PRAG1: variants seen among roughly 807,000 people sequenced by gnomAD.
PRAG1 encodes inactive tyrosine-protein kinase PRAG1.
Under a neutral mutation model 95.6 loss-of-function variants are expected in PRAG1, and 110 were observed. The observed-to-expected ratio is 1.15, with a 90% confidence interval of 0.99 to 1.35. The LOEUF (loss-of-function observed/expected upper bound fraction) is 1.35, where lower values mean the gene tolerates loss of function less well. Ranked by LOEUF, PRAG1 falls within the 40% of genes most tolerant of loss-of-function variation. The pLI is 0.00. For missense variants in PRAG1, 2,554 were observed against 1,864.7 expected (o/e 1.37, Z -6.81); for synonymous variants, 1,052 against 819.4 (o/e 1.28, Z -4.85).
At chr8:8,324,050 T>C (rs1798552954) in intron 5 of PRAG1, among the ~76,000 whole-genome samples, 1 of 152,096 alleles carries the variant, frequency 6.6e-6, no homozygotes, top group African/African-American at 2.4e-5. Context: ...TCAGATGAAA[T>C]GATGCAGGCA....
chr8:8,328,444 C>T lies in PRAG1; in HGVS notation c.2338G>A (p.Ala780Thr). 6.2e-7 allele frequency: 1 copy of T among 1,613,444 alleles called. No homozygotes were observed. The highest frequency in any genetic ancestry group is 8.5e-7 in the Non-Finnish European group (1 of 1,179,990). Residue 780 changes from alanine (A) to threonine (T), a missense_variant, in exon 5 of 6, where the codon GCT (alanine) becomes ACT (threonine). Coordinates refer to ENST00000615670, the MANE Select transcript of PRAG1 (RefSeq NM_001080826.3). Reference protein sequence around the residue: ...CSDGGPSSELAHSPTNSGKKL... With the variant: ...CSDGGPSSELTHSPTNSGKKL... Reference sequence around the variant, plus strand: ...TTCCCGCTGTTGGTGGGCGAGTGAGCCAGCTCAGACGAGGGACCTGAAGAG... The same window carrying T: ...TTCCCGCTGTTGGTGGGCGAGTGAGTCAGCTCAGACGAGGGACCTGAAGAG...
At chr8:8,384,019 G>T (rs1236084161) in intron 1 of PRAG1, among the ~76,000 whole-genome samples, 1 of 152,180 alleles carries the variant, frequency 6.6e-6, no homozygotes, top group African/African-American at 2.4e-5. Flanking sequence ...TCCACTGCAG[G>T]CAGATGCTCC....
At position 8,364,757 on chromosome 8, in the gene PRAG1, G is replaced by A. The variant is rs185994867; in HGVS notation, c.2162+11490C>T. On this transcript the variant is annotated intron_variant, in intron 3 of 5. Coordinates refer to ENST00000615670, the MANE Select transcript of PRAG1 (RefSeq NM_001080826.3). ...ACTTTTCCTACCAATGTATGGTCAC[G>A]GCTCCACCTAAAAGAAGTCTTCAAT... 1.3e-3 allele frequency among the ~76,000 whole-genome samples: 193 copies of A among 151,612 alleles called. 1 individual carries two copies. Among genetic ancestry groups the A allele is most frequent in the African/African-American group, 4.5e-3 (185 of 41,306 alleles).
At chr8:8,360,698 T>A (rs927244711) in intron 3 of PRAG1, among the ~76,000 whole-genome samples, 1 of 152,256 alleles carries the variant, frequency 6.6e-6, no homozygotes, top group Non-Finnish European at 1.5e-5. Context: ...TTGGTCTAAA[T>A]CTGCATATTT....
chr8:8,328,530 G>A, intron 4 of PRAG1, 69 bp from the exon 5 acceptor site: 1 of 1,338,906 alleles, frequency 7.5e-7, no homozygotes, highest in Middle Eastern at 2.0e-4. Flanking sequence ...CTGCAGACTT[G>A]TTTCCCTTTA....
At position 8,319,132 on chromosome 8, in the gene PRAG1, AG is replaced by A; in HGVS notation, c.3242del (p.Pro1081LeufsTer56). The A allele has an allele frequency of 4.4e-6, 7 of 1,605,574 alleles. No homozygotes were observed. Among genetic ancestry groups the A allele is most frequent in the African/African-American group, 1.3e-5 (1 of 74,892 alleles). On this transcript the variant is annotated frameshift_variant, in exon 6 of 6. Coordinates refer to ENST00000615670, the MANE Select transcript of PRAG1 (RefSeq NM_001080826.3). LOFTEE classifies it high-confidence loss of function. ...CCACCACGCAGTCCTGCTCCTGGGC[AG>A]GGGGGTGTGTGGGCAGGGCAGGCAC... ...DPVPALPTHPPAQEQDCVVVI... is the reference protein window; with the variant it reads ...DPVPALPTHPXAQEQDCVVVI...
intron 3 of PRAG1, among the ~76,000 whole-genome samples, chr8:8,343,694 G>A (rs191526963): frequency 8.5e-5 from 13 of 152,232 alleles, no homozygotes; most frequent in East Asian, 5.8e-4. Context: ...TTTTAGGCTC[G>A]TGGACCATAA....
At position 8,327,883 on chromosome 8, in the gene PRAG1, C is replaced by A; in HGVS notation, c.2899G>T (p.Val967Leu). The change falls in exon 5 of 6, where the codon GTA becomes TTA. Residue 967 changes from valine to leucine, a missense_variant. Coordinates refer to ENST00000615670, the MANE Select transcript of PRAG1 (RefSeq NM_001080826.3). ...ATGAAGAGGTCCTCACATTTGGCTACAAGGCGGGCCAGGGACTGGGTGTAG... is the reference window on the plus strand; with the variant it reads ...ATGAAGAGGTCCTCACATTTGGCTAAAAGGCGGGCCAGGGACTGGGTGTAG... Reference protein sequence around the residue: ...GLYTQSLARLVAKCEDLFMGG... With the variant: ...GLYTQSLARLLAKCEDLFMGG... 3 of 1,614,230 alleles carry A rather than the reference C, an allele frequency of 1.9e-6. No homozygotes were observed. Among genetic ancestry groups the A allele is most frequent in the South Asian group, 1.1e-5 (1 of 91,080 alleles).
chr8:8,375,800 C>G (rs907154277), intron 3 of PRAG1, among the ~76,000 whole-genome samples: 1 of 152,172 alleles, frequency 6.6e-6, no homozygotes, highest in Non-Finnish European at 1.5e-5. Flanking sequence ...GTTAGGATTA[C>G]AGGCATGAGC....
At chr8:8,343,808 T>C (rs999852408) in intron 3 of PRAG1, among the ~76,000 whole-genome samples, 1 of 152,216 alleles carries the variant, frequency 6.6e-6, no homozygotes, top group Non-Finnish European at 1.5e-5. Context: ...AACAGATGTC[T>C]TGCATGTGGG....
chr8:8,332,154 C>T (rs993466156), intron 4 of PRAG1, among the ~76,000 whole-genome samples: 3 of 136,504 alleles, frequency 2.2e-5, no homozygotes, highest in South Asian at 2.4e-4. Context: ...ATTATCTACA[C>T]ATATTACGAT....
At chr8:8,384,458 G>GGAC (rs1181062181) in intron 1 of PRAG1, among the ~76,000 whole-genome samples, 1 of 151,894 alleles carries the variant, frequency 6.6e-6, no homozygotes, top group African/African-American at 2.4e-5. Flanking sequence ...CGACTGCCAG[G>GGAC]GACGGATGGA....
At chr8:8,381,361 A>T in intron 2 of PRAG1, 57 bp downstream of exon 2, 1 of 1,520,102 alleles carries the variant, frequency 6.6e-7, no homozygotes, top group Non-Finnish European at 8.9e-7. Context: ...GCCAGTCACC[A>T]AGTGTTCAAA....
At chr8:8,384,035 C>G (rs1015295310) in intron 1 of PRAG1, among the ~76,000 whole-genome samples, 13 of 152,196 alleles carry the variant, frequency 8.5e-5, no homozygotes, top group African/African-American at 3.1e-4. Flanking sequence ...GCTCCCATGC[C>G]TGCTCCGCGG....
intron 3 of PRAG1, among the ~76,000 whole-genome samples, chr8:8,352,991 T>C (rs1563243109): frequency 6.6e-6 from 1 of 152,088 alleles, no homozygotes; most frequent in Non-Finnish European, 1.5e-5. Flanking sequence ...CATTTAATAA[T>C]AAAGGGGGTG....
Position 8,357,278 on chromosome 8 carries a change from C to A in PRAG1, c.2163-17643G>T, listed in dbSNP as rs146240652. Among the ~76,000 whole-genome samples the A allele has an allele frequency of 2.6e-4, 40 of 152,150 alleles. No individual in the cohort carries two copies. The East Asian group carries it at 3.9e-3, about 15-fold the overall frequency. ...GGATTGGGAGAATATATTTCAAATCCTACATCTGATAAGCGGTTAATATCC... is the reference window on the plus strand; with the variant it reads ...GGATTGGGAGAATATATTTCAAATCATACATCTGATAAGCGGTTAATATCC... On this transcript the variant is annotated intron_variant, in intron 3 of 5. Coordinates refer to ENST00000615670, the MANE Select transcript of PRAG1 (RefSeq NM_001080826.3).
intron 4 of PRAG1, among the ~76,000 whole-genome samples, chr8:8,337,555 ACAGAGAGCCATGTCCAGGGG>A (rs1338694629): frequency 6.6e-6 from 1 of 152,146 alleles, no homozygotes; most frequent in Non-Finnish European, 1.5e-5. Context: ...GGTTCCGGGT[ACAGAGAGCCATGTCCAGGGG>A]CAGCAGATAG....
In PRAG1 at chr8:8,381,761, G is replaced by C. The variant is rs775482074; in HGVS notation, c.-14C>G. On this transcript the variant is annotated 5_prime_UTR_variant, in exon 2 of 6. Transcript: ENST00000615670. ...GGTCTGGTGCATCTTGAGCCGACAG[G>C]GTGCTGGTTCATCTTGCGCCCGGCT... 6.4e-7 allele frequency: 1 copy of C among 1,558,070 alleles called. No homozygotes were observed. Among genetic ancestry groups the C allele is most frequent in the Non-Finnish European group, 8.7e-7 (1 of 1,148,010 alleles).
intron 3 of PRAG1, among the ~76,000 whole-genome samples, chr8:8,347,868 G>A (rs1422527317): frequency 6.8e-6 from 1 of 147,966 alleles, no homozygotes; most frequent in Non-Finnish European, 1.5e-5. Flanking sequence ...CCAGGCTGGA[G>A]TGCAGCGGCA....
Sources: allele counts gnomAD v4.1 joint callset (sites outside exome capture counted in the v4.1 genomes callset), GRCh38; gene constraint gnomAD v4.1.1; transcripts MANE v1.5; gene names NCBI Gene and HGNC (gene_info 2026-07-23, HGNC 2026-07-21).